Variants in MS4A7 observed in about 807,000 individuals in gnomAD.
The protein encoded by MS4A7 is membrane spanning 4-domains A7.
In MS4A7, 21 loss-of-function variants were observed where a neutral mutation model predicts 23.5. That is an observed-to-expected ratio of 0.89 (90% CI 0.63 to 1.29). The LOEUF (loss-of-function observed/expected upper bound fraction) is 1.29, where lower values mean the gene tolerates loss of function less well. MS4A7 is among the 50% of genes most tolerant of loss of function. The probability of loss-of-function intolerance (pLI) is 0.00; values close to 1 mark genes in which losing one functional copy is unlikely to be tolerated. For missense variants in MS4A7, 263 were observed against 274.2 expected (o/e 0.96, Z 0.29); for synonymous variants, 111 against 107.4 (o/e 1.03, Z -0.21).
chr11:60,384,191 A>C (rs1307263603), intron 2 of MS4A7, among the ~76,000 whole-genome samples: 2 of 152,200 alleles, frequency 1.3e-5, no homozygotes, highest in African/African-American at 4.8e-5. Flanking sequence ...TTAAAAATGA[A>C]AGTTAGATCA....
chr11:60,389,271 A>T, intron 4 of MS4A7, 119 bp from the exon 5 acceptor site: 1 of 738,086 alleles, frequency 1.4e-6, no homozygotes, highest in Non-Finnish European at 2.2e-6. Flanking sequence ...TTGTGCCCAC[A>T]CAAGGAAACA....
At chr11:60,392,146 C>T (rs2135108899) in intron 5 of MS4A7, among the ~76,000 whole-genome samples, 1 of 151,630 alleles carries the variant, frequency 6.6e-6, no homozygotes, top group African/African-American at 2.4e-5. Context: ...CAGAACACAA[C>T]ACATTATGTG....
intron 4 of MS4A7, among the ~76,000 whole-genome samples, chr11:60,387,423 A>G (rs1299066196): frequency 1.3e-5 from 2 of 152,142 alleles, no homozygotes; most frequent in Non-Finnish European, 2.9e-5. Context: ...ACTGAAATAA[A>G]CTTCTTTCAG....
rs573516534 is a variant in MS4A7, at chr11:60,392,686, G to A, written c.548G>A (p.Gly183Asp). 2 of 1,612,694 alleles carry A rather than the reference G, an allele frequency of 1.2e-6. No individual in the cohort carries two copies. The highest frequency in any genetic ancestry group is 2.2e-5 in the South Asian group (2 of 91,008). Residue 183 changes from glycine to aspartate, a missense_variant and splice_region_variant, in exon 6 of 7, where the codon GGT becomes GAT. Coordinates refer to ENST00000300184, the MANE Select transcript of MS4A7 (RefSeq NM_021201.5). The part of the protein sequence containing the change: ...DCLLTSVSLT[G>D]VLVVMLIFTV... ...AGCCATTCATGTCCTGATTTGCAGG[G>A]TGTCCTAGTGGTGATGCTCATCTTC...
chr11:60,379,238 G>A (rs985985694), intron 1 of MS4A7, among the ~76,000 whole-genome samples: 1 of 152,194 alleles, frequency 6.6e-6, no homozygotes, highest in African/African-American at 2.4e-5. Context: ...GTAGCAACGT[G>A]TATCTAAATT....
At position 60,392,739 on chromosome 11, in the gene MS4A7, TAC is replaced by T. The variant is rs755267276; in HGVS notation, c.603_604del (p.Tyr201Ter). ...FTVLELLLAAYSSVFWWKQLY... is the reference protein window; with the variant it reads ...FTVLELLLAAXSSVFWWKQLY... ...TGTGCTGGAGCTCTTATTAGCTGCATACAGTTCTGTCTTTTGGTGGAAACAGC... is the reference window on the plus strand; with the variant it reads ...TGTGCTGGAGCTCTTATTAGCTGCATAGTTCTGTCTTTTGGTGGAAACAGC... On this transcript the variant is annotated frameshift_variant, in exon 6 of 7. Transcript: ENST00000300184. LOFTEE classifies it low-confidence loss of function (END_TRUNC). The T allele has an allele frequency of 4.3e-6, 7 of 1,614,032 alleles. No homozygotes were observed. The South Asian group carries it at 7.7e-5, about 18-fold the overall frequency.
chr11:60,388,661 A>G (rs2085516213), intron 4 of MS4A7, among the ~76,000 whole-genome samples: 1 of 152,168 alleles, frequency 6.6e-6, no homozygotes, highest in Non-Finnish European at 1.5e-5. Flanking sequence ...AGAGAAGCAA[A>G]GGCTTTATAG....
At chr11:60,393,560 T>C (rs12224785) in intron 6 of MS4A7, among the ~76,000 whole-genome samples, 4,496 of 152,322 alleles carry the variant, frequency 0.03, 174 homozygotes, top group East Asian at 0.21. Flanking sequence ...GAAATGTTTA[T>C]AGAATTTGGA....
At chr11:60,380,944 C>A (rs1207369390) in intron 1 of MS4A7, among the ~76,000 whole-genome samples, 1 of 152,144 alleles carries the variant, frequency 6.6e-6, no homozygotes, top group Non-Finnish European at 1.5e-5. Context: ...CCAAATCTTG[C>A]CTCCACTACC....
At chr11:60,386,578 T>C in intron 3 of MS4A7, 139 bp from the exon 4 acceptor site, 1 of 669,564 alleles carries the variant, frequency 1.5e-6, no homozygotes, top group Non-Finnish European at 2.7e-6. Flanking sequence ...TATCTAGCAA[T>C]ATAGATCCAC....
chr11:60,381,339 T>C (rs530590737), intron 1 of MS4A7, among the ~76,000 whole-genome samples: 75 of 152,278 alleles, frequency 4.9e-4, no homozygotes, highest in Middle Eastern at 3.4e-3. Flanking sequence ...ACTATCTCCT[T>C]AAACAAAGAG....
chr11:60,392,608 C>T (rs938118833), intron 5 of MS4A7, 77 bp from the exon 6 acceptor site: 4 of 1,061,668 alleles, frequency 3.8e-6, no homozygotes, highest in East Asian at 2.5e-5. Context: ...GCTGGAGCCT[C>T]ATCGCCCTGT....
intron 1 of MS4A7, among the ~76,000 whole-genome samples, chr11:60,381,887 A>G (rs2085433672): frequency 6.6e-6 from 1 of 151,940 alleles, no homozygotes; most frequent in African/African-American, 2.4e-5. Flanking sequence ...TTGGACTCCC[A>G]TCCCAGTGCA....
chr11:60,379,371 G>GA (rs897744320), intron 1 of MS4A7, among the ~76,000 whole-genome samples: 2 of 152,020 alleles, frequency 1.3e-5, no homozygotes, highest in Non-Finnish European at 2.9e-5. Flanking sequence ...GTGGCAAAAA[G>GA]AAAAAATAGA....
chr11:60,386,595 T>G, intron 3 of MS4A7, 122 bp from the exon 4 acceptor site: 1 of 719,418 alleles, frequency 1.4e-6, no homozygotes, highest in Non-Finnish European at 2.4e-6. Context: ...CCACAAGATT[T>G]CTGCAGTGTT....
chr11:60,394,023 C>T lies in MS4A7; in HGVS notation c.*162C>T, dbSNP rs2085583174. On this transcript the variant is annotated 3_prime_UTR_variant, in exon 7 of 7. Transcript: ENST00000300184. ...TACTATGAGTCGTTATTTAATTTCT[C>T]TTGAAAATAATTTCCTCAAAGCCCA... 2.3e-6 allele frequency: 1 copy of T among 434,770 alleles called. No individual in the cohort carries two copies. The highest frequency in any genetic ancestry group is 3.9e-6 in the Non-Finnish European group (1 of 254,012). 26.9% of individuals were successfully genotyped at this position (434,770 alleles called of 1,614,324 possible).
chr11:60,391,923 A>C (rs9735590), intron 5 of MS4A7, among the ~76,000 whole-genome samples: 68,572 of 132,774 alleles, frequency 0.52, 14,625 homozygotes, highest in Middle Eastern at 0.7. Flanking sequence ...TGTCTAAAAA[A>C]AAAAAAAAAA....
intron 5 of MS4A7, among the ~76,000 whole-genome samples, chr11:60,392,269 A>G (rs1177798577): frequency 1.3e-5 from 2 of 152,218 alleles, no homozygotes; most frequent in Middle Eastern, 3.4e-3. Flanking sequence ...GAGAGAGTAT[A>G]TGCAAAAGTA....
chr11:60,392,259 G>C (rs2135109100), intron 5 of MS4A7, among the ~76,000 whole-genome samples: 1 of 152,038 alleles, frequency 6.6e-6, no homozygotes, highest in Admixed American at 6.6e-5. Context: ...GATTATAAAA[G>C]AGAGAGTATA....
Sources: allele counts gnomAD v4.1 joint callset (sites outside exome capture counted in the v4.1 genomes callset), GRCh38; gene constraint gnomAD v4.1.1; transcripts MANE v1.5; gene names NCBI Gene and HGNC (gene_info 2026-07-23, HGNC 2026-07-21).